ANO3: variants seen among roughly 807,000 people sequenced by gnomAD.
ANO3 encodes anoctamin-3.
In ANO3, 99 loss-of-function variants were observed where a neutral mutation model predicts 144.8. That is an observed-to-expected ratio of 0.68 (90% CI 0.58 to 0.81). The LOEUF is 0.81. Among genes scored for constraint, ANO3 ranks in the 30% least tolerant of loss-of-function variants. The pLI, the probability that ANO3 is intolerant of heterozygous loss-of-function variation, is 0.00. For synonymous variants in ANO3, 414 were observed against 392.6 expected, an observed-to-expected ratio of 1.05 and a Z score of -0.64; for missense variants, 905 against 1,202.2, an observed-to-expected ratio of 0.75 and a Z score of 3.66.
At chr11:26,545,931 T>C (rs1490199038) in intron 11 of ANO3, among the ~76,000 whole-genome samples, 4 of 151,940 alleles carry the variant, frequency 2.6e-5, no homozygotes, top group African/African-American at 9.7e-5. Flanking sequence ...ATCTGAAATC[T>C]ACTTTTACTT....
chr11:26,460,406 A>G (rs1349255947), intron 3 of ANO3, among the ~76,000 whole-genome samples: 1 of 97,370 alleles, frequency 1.0e-5, no homozygotes, highest in Non-Finnish European at 2.3e-5. Flanking sequence ...CCAAGAAAGA[A>G]AAAGAAGAAG....
At chr11:26,327,703 T>A (rs1854923155), upstream of ANO3, among the ~76,000 whole-genome samples, 1 of 152,222 alleles carries the variant, frequency 6.6e-6, no homozygotes, top group South Asian at 2.1e-4. Context: ...TTAATAACAT[T>A]ATTGAAGTAT....
chr11:26,202,561 G>A (rs1053970972), intron 1 of ANO3, among the ~76,000 whole-genome samples: 4 of 151,394 alleles, frequency 2.6e-5, no homozygotes, highest in African/African-American at 9.7e-5. Context: ...AAGATGGGTA[G>A]GAAAGAAGCT....
intron 26 of ANO3, among the ~76,000 whole-genome samples, chr11:26,656,935 C>T (rs1853708042): frequency 6.6e-6 from 1 of 152,036 alleles, no homozygotes; most frequent in South Asian, 2.1e-4. Context: ...TGCTTGAGAA[C>T]ATTTTATTTA....
chr11:26,514,828 T>C (rs941225986), intron 5 of ANO3, among the ~76,000 whole-genome samples: 1 of 152,080 alleles, frequency 6.6e-6, no homozygotes, highest in African/African-American at 2.4e-5. Context: ...ATGCTTACAC[T>C]TTACGTTTTA....
At chr11:26,325,824 G>A (rs964378657) in intron 1 of ANO3, among the ~76,000 whole-genome samples, 8 of 152,160 alleles carry the variant, frequency 5.3e-5, no homozygotes, top group African/African-American at 1.9e-4. Flanking sequence ...CAGAGTGCGT[G>A]AAATTCTCTT....
intron 1 of ANO3, among the ~76,000 whole-genome samples, chr11:26,356,450 C>T (rs1381061606): frequency 6.6e-6 from 1 of 152,138 alleles, no homozygotes; most frequent in Non-Finnish European, 1.5e-5. Flanking sequence ...GCTTCTGTCA[C>T]TATAGATTGC....
chr11:26,595,389 C>A (rs1165169054), intron 14 of ANO3, among the ~76,000 whole-genome samples: 1 of 147,346 alleles, frequency 6.8e-6, no homozygotes, highest in Non-Finnish European at 1.5e-5. Context: ...TTCCCATAAA[C>A]AACAGTTCTT....
At chr11:26,323,719 C>A (rs1196981567) in intron 1 of ANO3, among the ~76,000 whole-genome samples, 1 of 152,094 alleles carries the variant, frequency 6.6e-6, no homozygotes, top group East Asian at 1.9e-4. Context: ...AAAACGATTT[C>A]TCTTCCATTA....
chr11:26,426,836 A>C (rs565694200), intron 1 of ANO3, among the ~76,000 whole-genome samples: 1 of 152,350 alleles, frequency 6.6e-6, no homozygotes, highest in East Asian at 1.9e-4. Flanking sequence ...ATGAACTGTT[A>C]GACGTAGAAA....
intron 1 of ANO3, among the ~76,000 whole-genome samples, chr11:26,347,414 A>G (rs981023469): frequency 2.0e-5 from 3 of 152,250 alleles, no homozygotes; most frequent in African/African-American, 7.2e-5. Context: ...CTGATGCTGT[A>G]AAGCAGGGAA....
chr11:26,331,438 G>A (rs1190162170), upstream of ANO3: 1 of 152,170 alleles, frequency 6.6e-6, no homozygotes, highest in Non-Finnish European at 1.5e-5. Flanking sequence ...CAAATAAGGT[G>A]TTGATTTATG....
intron 14 of ANO3, among the ~76,000 whole-genome samples, chr11:26,571,506 C>T (rs1180886907): frequency 6.6e-6 from 1 of 152,016 alleles, no homozygotes; most frequent in African/African-American, 2.4e-5. Flanking sequence ...AGTTTCCCAA[C>T]TTTTTAATTA....
At chr11:26,273,400 T>C (rs1272298348) in intron 1 of ANO3, among the ~76,000 whole-genome samples, 1 of 151,902 alleles carries the variant, frequency 6.6e-6, no homozygotes, top group African/African-American at 2.4e-5. Context: ...TGTAATTTTA[T>C]GGAAAGAATT....
At chr11:26,236,161 T>G (rs1852517492) in intron 1 of ANO3, among the ~76,000 whole-genome samples, 1 of 152,138 alleles carries the variant, frequency 6.6e-6, no homozygotes. Flanking sequence ...TTTCTATATA[T>G]GAACATTCAA....
chr11:26,458,917 G>T (rs1341422616), intron 3 of ANO3, among the ~76,000 whole-genome samples: 2 of 152,024 alleles, frequency 1.3e-5, no homozygotes, highest in African/African-American at 4.8e-5. Flanking sequence ...TTGATGTCAG[G>T]TGCTGATAAA....
At chr11:26,229,642 T>G (rs1403213028) in intron 1 of ANO3, among the ~76,000 whole-genome samples, 1 of 152,320 alleles carries the variant, frequency 6.6e-6, no homozygotes, top group East Asian at 1.9e-4. Context: ...TCTTGCCTTT[T>G]TTTCTTTACT....
rs775066580 is a variant in ANO3 at position 26,442,003 on chromosome 11, C to T, written c.132C>T (p.Tyr44=). 6.8e-6 allele frequency: 11 copies of T among 1,614,006 alleles called. No individual in the cohort carries two copies. Among genetic ancestry groups the T allele is most frequent in the African/African-American group, 1.3e-5 (1 of 74,920 alleles). The part of the protein sequence containing the change: ...RRSLPCLAQS[Y]AYSKSLSQST... ...CCCTGCCTTGCCTCGCCCAGAGCTA[C>T]GCTTACTCAAAGAGCTTGAGCCAGT... The change falls in exon 2 of 27, where the codon TAC becomes TAT. Residue 44 remains tyrosine, a synonymous_variant. Coordinates refer to ENST00000256737, the MANE Select transcript of ANO3 (RefSeq NM_031418.4).
chr11:26,485,744 A>G (rs1860420696), intron 4 of ANO3, among the ~76,000 whole-genome samples: 1 of 152,192 alleles, frequency 6.6e-6, no homozygotes, highest in African/African-American at 2.4e-5. Flanking sequence ...TGAAACTATG[A>G]ATGTACTAGA....
Sources: allele counts gnomAD v4.1 joint callset (sites outside exome capture counted in the v4.1 genomes callset), GRCh38; gene constraint gnomAD v4.1.1; transcripts MANE v1.5; gene names NCBI Gene and HGNC (gene_info 2026-07-23, HGNC 2026-07-21).